The following PRR33 variants were observed in gnomAD, a reference collection of about 807,000 sequenced individuals.
PRR33 encodes the protein proline rich 33.
In PRR33, 1 loss-of-function variant was observed where a neutral mutation model predicts 0.5. The observed-to-expected ratio is 2.18, with a 90% CI of 0.77 to 10.34. PRR33 has a LOEUF of 10.34. PRR33 is among the 30% of genes most tolerant of loss of function. The probability of loss-of-function intolerance (pLI) is 0.13; values close to 1 mark genes in which losing one functional copy is unlikely to be tolerated. For missense variants in PRR33, 552 were observed against 251.8 expected, an observed-to-expected ratio of 2.19 and a Z score of -8.07; for synonymous variants, 226 against 110.0, an observed-to-expected ratio of 2.06 and a Z score of -6.60.
At chr11:1,915,985 G>T in the PRR33 span, among the ~76,000 whole-genome samples, 1 of 151,944 alleles carries the variant, frequency 6.6e-6, no homozygotes, top group Non-Finnish European at 1.5e-5. Context: ...TGAGTGGATG[G>T]GTAGGTGATT....
the PRR33 span, among the ~76,000 whole-genome samples, chr11:1,908,276 C>A: frequency 6.6e-6 from 1 of 152,118 alleles, no homozygotes; most frequent in African/African-American, 2.4e-5. Flanking sequence ...TTCTCCTGTA[C>A]GAATTTCAGC....
chr11:1,915,679 A>G, the PRR33 span, among the ~76,000 whole-genome samples: 2 of 100,034 alleles, frequency 2.0e-5, no homozygotes, highest in Non-Finnish European at 2.0e-5. Flanking sequence ...TGGGGGGGTG[A>G]TGTTTCTGTG....
At chr11:1,906,112 C>T in the PRR33 span, among the ~76,000 whole-genome samples, 1 of 152,070 alleles carries the variant, frequency 6.6e-6, no homozygotes, top group Admixed American at 6.6e-5. Flanking sequence ...AGGAGTGAGC[C>T]ACCATGCATG....
chr11:1,911,160 A>T, the PRR33 span, among the ~76,000 whole-genome samples: 2 of 152,100 alleles, frequency 1.3e-5, no homozygotes, highest in African/African-American at 4.8e-5. Context: ...GTTCCTTGCT[A>T]CTAGCCGGGC....
upstream of PRR33, among the ~76,000 whole-genome samples, chr11:1,894,962 C>T (rs367843440): frequency 1.3e-5 from 2 of 152,080 alleles, no homozygotes; most frequent in Non-Finnish European, 2.9e-5. Flanking sequence ...GTGGAGGGTG[C>T]GGTCTGTGAT....
chr11:1,900,468 A>G, the PRR33 span, among the ~76,000 whole-genome samples: 7,240 of 152,278 alleles, frequency 0.048, 592 homozygotes, highest in African/African-American at 0.16. Context: ...ATGACATTAC[A>G]CTAAAGTTAT....
the PRR33 span, among the ~76,000 whole-genome samples, chr11:1,909,704 T>C: frequency 1.3e-5 from 2 of 152,106 alleles, no homozygotes; most frequent in Middle Eastern, 6.8e-3. Context: ...CACCTGAGCC[T>C]GGGAGGTTGA....
At chr11:1,909,389 G>A in the PRR33 span, among the ~76,000 whole-genome samples, 2 of 151,906 alleles carry the variant, frequency 1.3e-5, no homozygotes. Context: ...GAGGTGGGCG[G>A]ATCACGAGGT....
At chr11:1,913,627 A>G in the PRR33 span, among the ~76,000 whole-genome samples, 1 of 152,280 alleles carries the variant, frequency 6.6e-6, no homozygotes, top group East Asian at 1.9e-4. Flanking sequence ...ACCCTTGCTG[A>G]AAGGGCCGCC....
chr11:1,894,347 C>T (rs1849101361), upstream of PRR33, among the ~76,000 whole-genome samples: 1 of 152,148 alleles, frequency 6.6e-6, no homozygotes, highest in Non-Finnish European at 1.5e-5. Context: ...GATCCTCCTG[C>T]TTCAGCCTCC....
chr11:1,911,659 G>A, the PRR33 span, among the ~76,000 whole-genome samples: 2,640 of 151,704 alleles, frequency 0.017, 34 homozygotes, highest in South Asian at 0.054. Context: ...GACCTCAAGT[G>A]ATTCGCCTGC....
At chr11:1,891,106 G>A (rs903110918) in exon 1 of PRR33, 1 of 157,936 alleles carries the variant, frequency 6.3e-6, no homozygotes, top group Admixed American at 5.9e-5. Context: ...GTGAGGGGTG[G>A]CGGCCAAGAG....
upstream of PRR33, among the ~76,000 whole-genome samples, chr11:1,892,578 C>T (rs117696125): frequency 3.2e-4 from 49 of 152,248 alleles, no homozygotes; most frequent in East Asian, 6.5e-3. Flanking sequence ...AGATCCACCT[C>T]GGGGCCTCCC....
At chr11:1,914,951 G>C in the PRR33 span, among the ~76,000 whole-genome samples, 5 of 148,746 alleles carry the variant, frequency 3.4e-5, no homozygotes, top group Non-Finnish European at 7.4e-5. Context: ...TCACACACCT[G>C]GGGATGATGT....
chr11:1,911,298 T>A, the PRR33 span, among the ~76,000 whole-genome samples: 29 of 152,116 alleles, frequency 1.9e-4, no homozygotes, highest in Admixed American at 7.2e-4. Flanking sequence ...ACAGATTAGC[T>A]GGGTGTGGTG....
At chr11:1,905,329 G>A in the PRR33 span, among the ~76,000 whole-genome samples, 29 of 151,140 alleles carry the variant, frequency 1.9e-4, no homozygotes, top group Admixed American at 6.6e-4. Flanking sequence ...TTTTCGCCAT[G>A]TTGGCCAGGC....
chr11:1,915,966 A>G, the PRR33 span, among the ~76,000 whole-genome samples: 1 of 151,636 alleles, frequency 6.6e-6, no homozygotes, highest in Non-Finnish European at 1.5e-5. Context: ...GATAGATGAA[A>G]TGGAGGGATG....
the PRR33 span, among the ~76,000 whole-genome samples, chr11:1,899,503 C>G: frequency 8.8e-3 from 1,344 of 152,200 alleles, 8 homozygotes; most frequent in Non-Finnish European, 0.012. Context: ...GGCCTAGGAG[C>G]CTTTAGCCAT....
upstream of PRR33, among the ~76,000 whole-genome samples, chr11:1,896,361 C>T (rs1589840659): frequency 2.0e-5 from 3 of 152,294 alleles, no homozygotes; most frequent in African/African-American, 7.2e-5. Context: ...GGAGGTCTTT[C>T]ACATCTTTTG....
Sources: allele counts gnomAD v4.1 joint callset (sites outside exome capture counted in the v4.1 genomes callset), GRCh38; gene constraint gnomAD v4.1.1; transcripts MANE v1.5; gene names NCBI Gene and HGNC (gene_info 2026-07-23, HGNC 2026-07-21).